NAV2: variants seen among roughly 807,000 people sequenced by gnomAD.
NAV2 encodes the protein helicase, APC down-regulated 1.
NAV2 carries 54 observed loss-of-function variants against 223.2 expected under a neutral mutation model. The ratio of observed to expected loss-of-function variants is 0.24; its 90% CI spans 0.19 to 0.30. The LOEUF (loss-of-function observed/expected upper bound fraction) is 0.30. Ranked by LOEUF, NAV2 falls within the 10% of genes least tolerant of loss-of-function variation. The probability of loss-of-function intolerance (pLI) is 1.00; values close to 1 mark genes in which losing one functional copy is unlikely to be tolerated. For synonymous variants in NAV2, 1,279 were observed against 1,239.3 expected (o/e 1.03, Z -0.67); for missense variants, 2,806 against 3,147.5 (o/e 0.89, Z 2.60).
At chr11:19,596,726 C>T (rs1434402152) in intron 1 of NAV2, among the ~76,000 whole-genome samples, 2 of 152,230 alleles carry the variant, frequency 1.3e-5, no homozygotes, top group Non-Finnish European at 2.9e-5. Flanking sequence ...AAAACCTCTG[C>T]CATGCTCAGA....
intron 11 of NAV2, among the ~76,000 whole-genome samples, chr11:20,025,727 C>G (rs1474164354): frequency 6.6e-6 from 1 of 152,196 alleles, no homozygotes; most frequent in Non-Finnish European, 1.5e-5. Context: ...GTGTTTTCCT[C>G]TCTCCACCTC....
intron 6 of NAV2, among the ~76,000 whole-genome samples, chr11:19,913,612 C>T (rs61877298): frequency 1.2e-4 from 19 of 152,146 alleles, no homozygotes; most frequent in Non-Finnish European, 2.5e-4. Flanking sequence ...AAATTCATGC[C>T]GTGCCTTTGC....
At chr11:19,797,830 G>A (rs1281174194) in intron 1 of NAV2, among the ~76,000 whole-genome samples, 1 of 152,120 alleles carries the variant, frequency 6.6e-6, no homozygotes. Context: ...GCCCTCCTCA[G>A]GTGGTCCTGA....
At position 19,933,504 on chromosome 11, in the gene NAV2, G is replaced by A. The variant is rs544523442; in HGVS notation, c.1260G>A (p.Pro420=). Reference sequence around the variant, plus strand: ...GGGGCTCAAAGGCAGGTGAGGGGCCGGGGTCCCGGGACACAAGCTGTGAGC... The same window carrying A: ...GGGGCTCAAAGGCAGGTGAGGGGCCAGGGTCCCGGGACACAAGCTGTGAGC... ...SKGGSKAGEG[P]GSRDTSCERL... The change falls in exon 7 of 38, where the codon CCG becomes CCA. Residue 420 remains proline (P), a synonymous_variant. Coordinates refer to ENST00000349880, the MANE Select transcript of NAV2 (RefSeq NM_145117.5). The surrounding 1 kb of genome is among the most constrained non-coding windows in gnomAD (Gnocchi z 4.3). 3.0e-5 allele frequency: 49 copies of A among 1,610,448 alleles called. No individual in the cohort carries two copies. Among genetic ancestry groups the A allele is most frequent in the African/African-American group, 2.4e-4 (18 of 74,846 alleles).
At chr11:19,733,681 T>C (rs546661611) in intron 1 of NAV2, among the ~76,000 whole-genome samples, 108 of 151,154 alleles carry the variant, frequency 7.1e-4, no homozygotes, top group African/African-American at 2.5e-3. Context: ...GGAAAGAGGG[T>C]TTTTCAAGGA....
intron 1 of NAV2, among the ~76,000 whole-genome samples, chr11:19,377,331 A>G (rs1848673455): frequency 1.3e-5 from 2 of 152,130 alleles, no homozygotes; most frequent in Admixed American, 1.3e-4. Flanking sequence ...TAACCTTTGC[A>G]CTAGCTCTTT....
At chr11:19,575,943 G>A (rs1223786982) in intron 1 of NAV2, among the ~76,000 whole-genome samples, 2 of 152,198 alleles carry the variant, frequency 1.3e-5, no homozygotes, top group East Asian at 1.9e-4. Flanking sequence ...AGCAGATTAC[G>A]GTGTGGACTC....
At chr11:19,420,408 TGA>T (rs1430021718) in intron 1 of NAV2, among the ~76,000 whole-genome samples, 2 of 152,228 alleles carry the variant, frequency 1.3e-5, no homozygotes, top group Admixed American at 1.3e-4. Flanking sequence ...ATACTATGAC[TGA>T]GTTATTCCAT....
intron 1 of NAV2, among the ~76,000 whole-genome samples, chr11:19,376,608 C>T (rs955059794): frequency 2.0e-5 from 3 of 152,236 alleles, no homozygotes; most frequent in Admixed American, 2.0e-4. Context: ...AATCAACTGT[C>T]TGTCTATAGC....
intron 1 of NAV2, among the ~76,000 whole-genome samples, chr11:19,782,967 G>C (rs898686281): frequency 3.9e-5 from 6 of 152,182 alleles, no homozygotes; most frequent in African/African-American, 1.4e-4. Context: ...GTGGGACAAG[G>C]GTAAGCACCT....
intron 1 of NAV2, among the ~76,000 whole-genome samples, chr11:19,796,899 C>G (rs2057940438): frequency 6.6e-6 from 1 of 152,200 alleles, no homozygotes; most frequent in Non-Finnish European, 1.5e-5. Flanking sequence ...GCTCTATTGT[C>G]TCTTGGCACT....
At chr11:20,025,275 T>G (rs1054013297) in intron 11 of NAV2, among the ~76,000 whole-genome samples, 5 of 152,216 alleles carry the variant, frequency 3.3e-5, no homozygotes, top group Non-Finnish European at 7.3e-5. Context: ...TTATTAAAAC[T>G]TTTCACCTTG....
At chr11:19,580,942 C>T (rs548983664) in intron 1 of NAV2, among the ~76,000 whole-genome samples, 27 of 152,340 alleles carry the variant, frequency 1.8e-4, no homozygotes, top group South Asian at 6.2e-4. Context: ...TCCTATCCTA[C>T]ATTTGGTTCT....
chr11:19,754,845 T>C (rs10734284), intron 1 of NAV2, among the ~76,000 whole-genome samples: 105,396 of 152,040 alleles, frequency 0.69, 36,739 homozygotes, highest in East Asian at 0.91. Flanking sequence ...TTCTGTTTTC[T>C]CAGAGAACTC....
chr11:20,003,481 C>G (rs1260778235), intron 11 of NAV2, among the ~76,000 whole-genome samples: 1 of 152,268 alleles, frequency 6.6e-6, no homozygotes, highest in African/African-American at 2.4e-5. Context: ...CAAGCCTTCT[C>G]CATTATCTGA....
intron 1 of NAV2, among the ~76,000 whole-genome samples, chr11:19,430,381 G>A (rs896160511): frequency 1.1e-4 from 16 of 152,290 alleles, no homozygotes; most frequent in Admixed American, 9.2e-4. Context: ...CCCTTCTTCA[G>A]TCCCCTCTCG....
At chr11:19,510,285 G>A (rs1048264585) in intron 1 of NAV2, among the ~76,000 whole-genome samples, 5 of 152,186 alleles carry the variant, frequency 3.3e-5, no homozygotes, top group African/African-American at 1.2e-4. Flanking sequence ...CTATGAGTTT[G>A]CTACTATTTT....
chr11:19,869,414 G>T (rs1590979020), intron 4 of NAV2, among the ~76,000 whole-genome samples: 1 of 152,144 alleles, frequency 6.6e-6, no homozygotes, highest in East Asian at 1.9e-4. Context: ...TTTATTCGAG[G>T]AAGCAGCACT....
chr11:19,920,375 C>G (rs1042753136), intron 6 of NAV2, among the ~76,000 whole-genome samples: 1 of 152,224 alleles, frequency 6.6e-6, no homozygotes, highest in African/African-American at 2.4e-5. Context: ...GCAACCTCTG[C>G]CTCCCAGGTT....
Sources: allele counts gnomAD v4.1 joint callset (sites outside exome capture counted in the v4.1 genomes callset), GRCh38; gene constraint gnomAD v4.1.1; non-coding constraint Gnocchi (gnomAD v3.1); transcripts MANE v1.5; gene names NCBI Gene and HGNC (gene_info 2026-07-23, HGNC 2026-07-21).